CSMD1: variants seen among roughly 807,000 people sequenced by gnomAD.
CSMD1 encodes the protein CUB and Sushi multiple domains 1.
Under a neutral mutation model 417.5 loss-of-function variants are expected in CSMD1, and 213 were observed. The observed-to-expected ratio is 0.51, with a 90% confidence interval of 0.46 to 0.57. The LOEUF (loss-of-function observed/expected upper bound fraction) is 0.57, where lower values mean the gene tolerates loss of function less well. Ranked by LOEUF, CSMD1 falls within the 20% of genes least tolerant of loss-of-function variation. The pLI, the probability that CSMD1 is intolerant of heterozygous loss-of-function variation, is 0.00. For missense variants in CSMD1, 6,923 were observed against 4,529.7 expected, an observed-to-expected ratio of 1.53 and a Z score of -15.17; for synonymous variants, 2,862 against 1,736.8, an observed-to-expected ratio of 1.65 and a Z score of -16.11.
intron 1 of CSMD1, among the ~76,000 whole-genome samples, chr8:4,789,345 G>A (rs898169411): frequency 6.6e-6 from 1 of 152,140 alleles, no homozygotes; most frequent in African/African-American, 2.4e-5. Flanking sequence ...AGACAATAAA[G>A]TATGAATTTC....
chr8:3,811,566 T>C (rs1416308716), intron 5 of CSMD1, among the ~76,000 whole-genome samples: 1 of 152,058 alleles, frequency 6.6e-6, no homozygotes, highest in Non-Finnish European at 1.5e-5. Flanking sequence ...CCTGACCACA[T>C]CCTCGGTCAA....
chr8:3,566,725 A>C (rs7003640), intron 10 of CSMD1, among the ~76,000 whole-genome samples: 1 of 152,252 alleles, frequency 6.6e-6, no homozygotes, highest in East Asian at 1.9e-4. Context: ...AAACCACAAT[A>C]AGATACCATC....
chr8:3,282,712 C>G (rs1048454445), intron 26 of CSMD1, among the ~76,000 whole-genome samples: 23 of 152,134 alleles, frequency 1.5e-4, no homozygotes, highest in Admixed American at 4.6e-4. Flanking sequence ...CTGTTCAGAG[C>G]ACAGTGAAAC....
intron 17 of CSMD1, among the ~76,000 whole-genome samples, chr8:3,393,774 G>A (rs904002781): frequency 2.0e-5 from 3 of 151,390 alleles, no homozygotes; most frequent in African/African-American, 4.9e-5. Context: ...TCACTCATAG[G>A]TGGGAATTGA....
chr8:3,248,833 C>T (rs947342177), intron 26 of CSMD1, among the ~76,000 whole-genome samples: 1 of 152,072 alleles, frequency 6.6e-6, no homozygotes, highest in Non-Finnish European at 1.5e-5. Context: ...TCTACTTACT[C>T]TGTTAATCTT....
At chr8:4,547,996 C>G (rs1271385149) in intron 2 of CSMD1, among the ~76,000 whole-genome samples, 1 of 152,130 alleles carries the variant, frequency 6.6e-6, no homozygotes, top group East Asian at 1.9e-4. Context: ...GCCAGGCACT[C>G]CCAAGCAATC....
intron 5 of CSMD1, among the ~76,000 whole-genome samples, chr8:3,820,289 G>C (rs1392104962): frequency 6.6e-6 from 1 of 152,170 alleles, no homozygotes; most frequent in Non-Finnish European, 1.5e-5. Flanking sequence ...TGTAGGATAT[G>C]TGAGCTCAGA....
intron 1 of CSMD1, among the ~76,000 whole-genome samples, chr8:4,844,201 G>C (rs544324122): frequency 1.3e-5 from 2 of 152,172 alleles, no homozygotes; most frequent in Non-Finnish European, 2.9e-5. Flanking sequence ...AAAAGTGTTA[G>C]TTGTAGGCAC....
intron 1 of CSMD1, among the ~76,000 whole-genome samples, chr8:4,915,346 C>G (rs901977032): frequency 1.9e-4 from 29 of 152,134 alleles, no homozygotes; most frequent in Non-Finnish European, 2.9e-5. Context: ...CTAACTCTTG[C>G]TAAAGTAGAT....
At chr8:4,072,830 C>A (rs555292234) in intron 3 of CSMD1, among the ~76,000 whole-genome samples, 7 of 152,252 alleles carry the variant, frequency 4.6e-5, no homozygotes, top group African/African-American at 1.7e-4. Context: ...GCCCAAAAGC[C>A]GTCTTTTCCA....
intron 5 of CSMD1, among the ~76,000 whole-genome samples, chr8:3,946,319 G>C (rs936530812): frequency 2.0e-5 from 3 of 151,882 alleles, no homozygotes; most frequent in Non-Finnish European, 4.4e-5. Context: ...TCTTCTTTAC[G>C]GAATTACCTC....
At chr8:3,405,484 A>G (rs926689730) in intron 15 of CSMD1, among the ~76,000 whole-genome samples, 41 of 152,214 alleles carry the variant, frequency 2.7e-4, no homozygotes, top group Non-Finnish European at 5.7e-4. Flanking sequence ...CAACACTGTT[A>G]TAGGTTGAAT....
intron 2 of CSMD1, among the ~76,000 whole-genome samples, chr8:4,518,948 A>G (rs1320648840): frequency 6.6e-6 from 1 of 152,126 alleles, no homozygotes. Flanking sequence ...TAATAGACAC[A>G]TTCTCCCTTT....
In CSMD1 at chr8:3,342,278, T is replaced by G. The variant is rs567126059; in HGVS notation, c.3631+1016A>C. Among the ~76,000 whole-genome samples, 10 of 152,320 alleles carry G rather than the reference T, an allele frequency of 6.6e-5. No homozygotes were observed. In the East Asian group the frequency reaches 1.9e-3, roughly 29 times the overall value. On this transcript the variant is annotated intron_variant, in intron 23 of 69. Coordinates refer to ENST00000635120, the MANE Select transcript of CSMD1 (RefSeq NM_033225.6). ...TTAATCTTCGTCTTAGGCTCCTGGA[T>G]TAGCTCTGGGTCTGTGGGATGATTA... is the stretch of plus-strand genomic sequence containing the variant.
At chr8:4,587,274 T>A (rs563727068) in intron 2 of CSMD1, among the ~76,000 whole-genome samples, 2 of 152,166 alleles carry the variant, frequency 1.3e-5, no homozygotes, top group Non-Finnish European at 1.5e-5. Context: ...AACTGATGCA[T>A]AGTTTGAAGA....
chr8:3,729,683 A>C (rs979966027), intron 6 of CSMD1, among the ~76,000 whole-genome samples: 2 of 131,034 alleles, frequency 1.5e-5, no homozygotes, highest in Non-Finnish European at 1.6e-5. Context: ...TTTAAAGATG[A>C]AACTCGCCTC....
chr8:4,193,808 G>A (rs190132823), intron 3 of CSMD1, among the ~76,000 whole-genome samples: 33 of 152,144 alleles, frequency 2.2e-4, no homozygotes, highest in African/African-American at 7.2e-4. Context: ...GCTATGGCGA[G>A]AAGAGCAGGA....
intron 3 of CSMD1, among the ~76,000 whole-genome samples, chr8:4,196,698 A>G (rs1361518695): frequency 6.6e-6 from 1 of 152,142 alleles, no homozygotes; most frequent in Non-Finnish European, 1.5e-5. Flanking sequence ...AAGAGTTCAC[A>G]TAGCTAGAAT....
At chr8:4,120,243 T>C (rs1802405552) in intron 3 of CSMD1, among the ~76,000 whole-genome samples, 2 of 152,256 alleles carry the variant, frequency 1.3e-5, no homozygotes, top group South Asian at 4.1e-4. Context: ...CCATGACTCC[T>C]GGGGCATAAA....
Sources: allele counts gnomAD v4.1 joint callset (sites outside exome capture counted in the v4.1 genomes callset), GRCh38; gene constraint gnomAD v4.1.1; transcripts MANE v1.5; gene names NCBI Gene and HGNC (gene_info 2026-07-23, HGNC 2026-07-21).